FHIT: variants seen among roughly 807,000 people sequenced by gnomAD.
FHIT encodes the protein fragile histidine triad diadenosine triphosphatase, also known as bis(5'-adenosyl)-triphosphatase.
A neutral mutation model predicts 17.9 loss-of-function variants in FHIT; 19 were observed. That is an observed-to-expected ratio of 1.06 (90% CI 0.74 to 1.56). The LOEUF is 1.56. Ranked by LOEUF, FHIT falls within the 40% of genes most tolerant of loss-of-function variation. The pLI is 0.00. For synonymous variants in FHIT, 81 were observed against 69.7 expected (o/e 1.16, Z -0.81); for missense variants, 248 against 189.2 (o/e 1.31, Z -1.82).
At chr3:60,316,363 T>A (rs1242929752) in intron 5 of FHIT, among the ~76,000 whole-genome samples, 1 of 152,200 alleles carries the variant, frequency 6.6e-6, no homozygotes, top group African/African-American at 2.4e-5. Context: ...CATGACAGTA[T>A]AAGTGCAATA....
At chr3:61,030,093 C>T (rs987653105) in intron 3 of FHIT, among the ~76,000 whole-genome samples, 3 of 152,152 alleles carry the variant, frequency 2.0e-5, no homozygotes, top group Non-Finnish European at 2.9e-5. Context: ...CCTCAGCCTC[C>T]CGATTAGCTG....
chr3:60,912,073 G>A (rs1289680107), intron 3 of FHIT, among the ~76,000 whole-genome samples: 10 of 142,026 alleles, frequency 7.0e-5, no homozygotes, highest in South Asian at 2.3e-4. Flanking sequence ...ACACACACAC[G>A]TACACACACA....
chr3:60,082,482 T>C (rs561088584), intron 5 of FHIT, among the ~76,000 whole-genome samples: 5 of 152,222 alleles, frequency 3.3e-5, no homozygotes, highest in Admixed American at 3.3e-4. Context: ...TTCTTTTGAA[T>C]ATATATCCAG....
chr3:59,979,487 T>G (rs1708555800), intron 7 of FHIT, among the ~76,000 whole-genome samples: 1 of 151,814 alleles, frequency 6.6e-6, no homozygotes. Flanking sequence ...GAAAGCATTT[T>G]GCAAAACACC....
At chr3:59,994,652 A>G (rs1249241333) in intron 7 of FHIT, among the ~76,000 whole-genome samples, 2 of 151,980 alleles carry the variant, frequency 1.3e-5, no homozygotes, top group African/African-American at 2.4e-5. Flanking sequence ...AAATCACACC[A>G]CAAAGCCTGT....
At chr3:60,043,795 T>A (rs1232576066) in intron 5 of FHIT, among the ~76,000 whole-genome samples, 1 of 152,156 alleles carries the variant, frequency 6.6e-6, no homozygotes, top group Non-Finnish European at 1.5e-5. Context: ...ACATAACATA[T>A]TAAGCAAAAA....
intron 4 of FHIT, among the ~76,000 whole-genome samples, chr3:60,541,989 C>T (rs1215556577): frequency 6.6e-6 from 1 of 152,174 alleles, no homozygotes; most frequent in East Asian, 1.9e-4. Context: ...CCATTCCCTC[C>T]CTTCCCACCA....
rs566190414 is a variant in FHIT, at chr3:60,908,533, T to C, written c.-110-86522A>G. 2.0e-5 allele frequency among the ~76,000 whole-genome samples: 3 copies of C among 151,544 alleles called. No individual in the cohort carries two copies. The East Asian group carries it at 5.8e-4, about 29-fold the overall frequency. The stretch of plus-strand genomic sequence containing the variant: ...CAGAGTAACCAGCTCACCAACAGTA[T>C]CTAGAAAAGAGGAAAGTCACAGAAT... On this transcript the variant is annotated intron_variant, in intron 3 of 9. Transcript: ENST00000492590.
intron 3 of FHIT, among the ~76,000 whole-genome samples, chr3:60,909,313 G>A (rs1038336150): frequency 1.3e-5 from 2 of 148,762 alleles, no homozygotes; most frequent in Non-Finnish European, 3.0e-5. Context: ...AGGTTGCAGT[G>A]AGCCGAGATC....
At chr3:59,992,723 A>T (rs1385466852) in intron 7 of FHIT, among the ~76,000 whole-genome samples, 3 of 152,076 alleles carry the variant, frequency 2.0e-5, no homozygotes, top group African/African-American at 7.2e-5. Context: ...CAGCAGAAGT[A>T]AGGCAGAGGA....
In FHIT at chr3:60,066,630, ATTTTTTTTTTTTTTTTTTTTTTTTTT is replaced by A. The variant is rs71089574; in HGVS notation, c.104-52504_104-52479del. Among the ~76,000 whole-genome samples the A allele has an allele frequency of 3.0e-3, 153 of 51,438 alleles. 1 individual carries two copies. The highest frequency in any genetic ancestry group is 0.017 in the South Asian group (19 of 1,086). The allele number at this position is 51,438 out of a possible 152,430, so 33.7% of individuals were successfully genotyped here. A position where few individuals can be genotyped will look rare whatever the true frequency, so the allele number is the denominator to read the frequency against. ...ATAGGTTGATTTTAATCCCTGACAA[ATTTTTTTTTTTTTTTTTTTTTTTTTT>A]TTTTTTTTTTTTTTTTTTGAGATGG... On this transcript the variant is annotated intron_variant, in intron 5 of 9. Coordinates refer to ENST00000492590, the MANE Select transcript of FHIT (RefSeq NM_002012.4).
chr3:60,121,951 G>C lies in FHIT; in HGVS notation c.104-107799C>G, dbSNP rs114384874. On this transcript the variant is annotated intron_variant, in intron 5 of 9. Coordinates refer to ENST00000492590, the MANE Select transcript of FHIT (RefSeq NM_002012.4). ...TATATTTGGGTTTATTTCACTCTTTGCTCAAACCAAGGATAATTTATCAGG... is the reference window on the plus strand; with the variant it reads ...TATATTTGGGTTTATTTCACTCTTTCCTCAAACCAAGGATAATTTATCAGG... 6.5e-3 allele frequency among the ~76,000 whole-genome samples: 986 copies of C among 152,158 alleles called. 12 individuals carry two copies. Among genetic ancestry groups the C allele is most frequent in the African/African-American group, 0.022 (931 of 41,512 alleles).
chr3:61,239,784 T>TATATATATATATATATATAC (rs1350286112), intron 1 of FHIT, among the ~76,000 whole-genome samples: 6 of 139,656 alleles, frequency 4.3e-5, no homozygotes, highest in African/African-American at 1.6e-4. Context: ...TATATATATA[T>TATATATATATATATATATAC]ACACAAATTC....
At chr3:59,794,324 A>G (rs1331358030) in intron 8 of FHIT, among the ~76,000 whole-genome samples, 1 of 152,206 alleles carries the variant, frequency 6.6e-6, no homozygotes, top group Admixed American at 6.5e-5. Context: ...ACGCACCAGG[A>G]CACGAACATT....
At chr3:59,840,708 A>G (rs572031016) in intron 8 of FHIT, among the ~76,000 whole-genome samples, 9 of 152,246 alleles carry the variant, frequency 5.9e-5, no homozygotes, top group Admixed American at 5.2e-4. Flanking sequence ...TCCCCAGTAC[A>G]TATGTTCAGA....
intron 7 of FHIT, among the ~76,000 whole-genome samples, chr3:59,977,405 A>G (rs212032): frequency 0.53 from 81,300 of 152,008 alleles, 22,407 homozygotes; most frequent in East Asian, 0.9. Context: ...TCCCTGAAGC[A>G]TTTCTTTAAA....
intron 4 of FHIT, among the ~76,000 whole-genome samples, chr3:60,692,910 T>A (rs1437668302): frequency 6.6e-6 from 1 of 152,230 alleles, no homozygotes; most frequent in Admixed American, 6.5e-5. Context: ...AGCGTTTGCA[T>A]GTTTCTGAAG....
chr3:61,003,408 A>C (rs966591364), intron 3 of FHIT, among the ~76,000 whole-genome samples: 1 of 152,238 alleles, frequency 6.6e-6, no homozygotes, highest in Non-Finnish European at 1.5e-5. Context: ...ACCAAGCACT[A>C]CCAAGCTTTT....
At chr3:60,584,204 T>C (rs2037835068) in intron 4 of FHIT, among the ~76,000 whole-genome samples, 1 of 152,022 alleles carries the variant, frequency 6.6e-6, no homozygotes, top group Non-Finnish European at 1.5e-5. Flanking sequence ...CCAGTTGACA[T>C]GAGTTGATAA....
Sources: allele counts gnomAD v4.1 joint callset (sites outside exome capture counted in the v4.1 genomes callset), GRCh38; gene constraint gnomAD v4.1.1; transcripts MANE v1.5; gene names NCBI Gene and HGNC (gene_info 2026-07-23, HGNC 2026-07-21).